Variants in PSEN1 observed in about 807,000 individuals in gnomAD.
The protein encoded by PSEN1 is presenilin-1.
A neutral mutation model predicts 53.5 loss-of-function variants in PSEN1; 15 were observed. The ratio of observed to expected loss-of-function variants is 0.28; its 90% CI spans 0.19 to 0.43. PSEN1 has a LOEUF of 0.43. Among genes scored for constraint, PSEN1 ranks in the 20% least tolerant of loss-of-function variants. The probability of loss-of-function intolerance (pLI) is 1.00; values close to 1 mark genes in which losing one functional copy is unlikely to be tolerated. For missense variants in PSEN1, 387 were observed against 571.2 expected, an observed-to-expected ratio of 0.68 and a Z score of 3.29; for synonymous variants, 208 against 209.8, an observed-to-expected ratio of 0.99 and a Z score of 0.08.
chr14:73,164,139 G>A (rs1036221696), intron 3 of PSEN1, among the ~76,000 whole-genome samples: 1 of 152,156 alleles, frequency 6.6e-6, no homozygotes. Flanking sequence ...ACTAGACAGA[G>A]GTACTAAGGA....
chr14:73,197,635 C>T (rs1899008982), intron 7 of PSEN1: 1 of 200,128 alleles, frequency 5.0e-6, no homozygotes, highest in Admixed American at 5.4e-5. Context: ...AGTTCATATC[C>T]GTGATTAGTT....
intron 11 of PSEN1, 65 bp from the exon 12 acceptor site, chr14:73,219,069 G>T: frequency 6.5e-7 from 1 of 1,540,816 alleles, no homozygotes; most frequent in South Asian, 1.1e-5. Flanking sequence ...ACTTGTGATT[G>T]AGTTTTGCCT....
rs554783173 is a variant in PSEN1, at chr14:73,206,438, G to A, written c.921G>A (p.Arg307=). The change falls in exon 9 of 12, where the codon AGG becomes AGA. Residue 307 remains arginine (R), a synonymous_variant. Coordinates refer to ENST00000324501, the MANE Select transcript of PSEN1 (RefSeq NM_000021.4). The stretch of plus-strand genomic sequence containing the variant: ...CAGAAGGAGACCCGGAAGCTCAAAG[G>A]AGAGTATCCAAAAATTCCAAGTATA... The part of the protein sequence containing the change: ...NMAEGDPEAQ[R]RVSKNSKYNA... 50 of 1,613,906 alleles carry A rather than the reference G, an allele frequency of 3.1e-5. No individual in the cohort carries two copies. Among genetic ancestry groups the A allele is most frequent in the Non-Finnish European group, 4.2e-5 (50 of 1,179,938 alleles).
At chr14:73,197,705 A>T (rs949543642) in intron 7 of PSEN1, 1 of 321,416 alleles carries the variant, frequency 3.1e-6, no homozygotes, top group Non-Finnish European at 5.8e-6. Context: ...AAAATAGTCT[A>T]TCTCATCATT....
At chr14:73,183,344 GA>G (rs1898285786) in intron 5 of PSEN1, among the ~76,000 whole-genome samples, 2 of 151,766 alleles carry the variant, frequency 1.3e-5, no homozygotes, top group Admixed American at 6.6e-5. Context: ...GTTTCTCACA[GA>G]GGGGGATTTG....
chr14:73,137,646 G>A (rs1249623550), intron 1 of PSEN1, among the ~76,000 whole-genome samples: 1 of 152,182 alleles, frequency 6.6e-6, no homozygotes, highest in Non-Finnish European at 1.5e-5. Flanking sequence ...AATGAGTGTG[G>A]TTGGAGAACC....
intron 9 of PSEN1, among the ~76,000 whole-genome samples, chr14:73,207,417 C>T (rs1222889474): frequency 1.3e-5 from 2 of 151,784 alleles, no homozygotes; most frequent in African/African-American, 4.8e-5. Flanking sequence ...ACAACAGGCA[C>T]AGTAAATATT....
intron 5 of PSEN1, among the ~76,000 whole-genome samples, chr14:73,186,646 G>A (rs778115998): frequency 4.6e-5 from 7 of 151,962 alleles, no homozygotes; most frequent in Admixed American, 6.6e-5. Context: ...GCGTGGTGGC[G>A]CGCACGCGTG....
At chr14:73,164,058 T>C (rs1030054673) in intron 3 of PSEN1, among the ~76,000 whole-genome samples, 1 of 152,188 alleles carries the variant, frequency 6.6e-6, no homozygotes, top group Admixed American at 6.5e-5. Flanking sequence ...ACCACAAAGA[T>C]TATGGACATA....
chr14:73,203,271 A>G (rs1220194328), intron 8 of PSEN1, among the ~76,000 whole-genome samples: 2 of 151,928 alleles, frequency 1.3e-5, no homozygotes, highest in African/African-American at 2.4e-5. Context: ...TATTTTTAGT[A>G]GAGAGAGGGT....
rs1474611656 is a variant in PSEN1, at chr14:73,186,935, T to A, written c.548+15T>A. 1 of 1,602,262 alleles carries A rather than the reference T, an allele frequency of 6.2e-7. No homozygotes were observed. Among genetic ancestry groups the A allele is most frequent in the Admixed American group, 1.7e-5 (1 of 59,982 alleles). Reference sequence around the variant, plus strand: ...ATTTACTTGGGGTAAGTTGTGAAATTTTTGGTCTGTCTTTCAGAATTAACT... The same window carrying A: ...ATTTACTTGGGGTAAGTTGTGAAATATTTGGTCTGTCTTTCAGAATTAACT... On this transcript the variant is annotated intron_variant, in intron 6 of 11. Coordinates refer to ENST00000324501, the MANE Select transcript of PSEN1 (RefSeq NM_000021.4).
intron 8 of PSEN1, among the ~76,000 whole-genome samples, chr14:73,202,131 A>G (rs142868766): frequency 0.11 from 16,193 of 151,214 alleles, 996 homozygotes; most frequent in African/African-American, 0.17. Flanking sequence ...TGCAACCTCC[A>G]TCTCCTGGGT....
rs149765364 is a variant in PSEN1, at chr14:73,193,167, G to A, written c.769+303G>A. ...TCTACAGAAAATACAAAAATTAGCC[G>A]GGCATGGTGGTGCACACCTGTAGTT... On this transcript the variant is annotated intron_variant, in intron 7 of 11. Coordinates refer to ENST00000324501, the MANE Select transcript of PSEN1 (RefSeq NM_000021.4). 6.4e-4 allele frequency among the ~76,000 whole-genome samples: 97 copies of A among 151,978 alleles called. No individual in the cohort carries two copies. The East Asian group carries it at 0.012, about 19-fold the overall frequency.
chr14:73,192,439 T>TCAAAAA (rs1026963249), intron 6 of PSEN1, among the ~76,000 whole-genome samples: 1 of 151,598 alleles, frequency 6.6e-6, no homozygotes, highest in Admixed American at 6.6e-5. Context: ...AGACCCTGGC[T>TCAAAAA]CAAAAACAAA....
At chr14:73,152,675 T>C (rs111694806) in intron 3 of PSEN1, among the ~76,000 whole-genome samples, 10 of 152,228 alleles carry the variant, frequency 6.6e-5, no homozygotes, top group African/African-American at 2.4e-4. Context: ...TATGTTCTTA[T>C]TGGTAATTGG....
chr14:73,170,857 T>G lies in PSEN1; in HGVS notation c.148T>G (p.Leu50Val), dbSNP rs1897867823. ...DRRSLGHPEP[L>V]SNGRPQGNSR... ...ACGGAGCCTTGGCCACCCTGAGCCA[T>G]TATCTAATGGACGACCCCAGGGTAA... Residue 50 changes from leucine (L) to valine (V), a missense_variant, in exon 4 of 12, where the codon TTA (leucine) becomes GTA (valine). Physicochemically the swap from Leu to Val is conservative, Grantham distance 32 (BLOSUM62 1). Coordinates refer to ENST00000324501, the MANE Select transcript of PSEN1 (RefSeq NM_000021.4). The G allele has an allele frequency of 6.2e-7, 1 of 1,614,036 alleles. No homozygotes were observed. The highest frequency in any genetic ancestry group is 8.5e-7 in the Non-Finnish European group (1 of 1,180,032).
At chr14:73,217,701 A>T (rs1486001037) in intron 11 of PSEN1, among the ~76,000 whole-genome samples, 4 of 152,088 alleles carry the variant, frequency 2.6e-5, no homozygotes, top group Admixed American at 1.3e-4. Context: ...TTAAGACAGC[A>T]AGCATCTAGT....
chr14:73,191,218 T>A (rs1960034257), intron 6 of PSEN1, among the ~76,000 whole-genome samples: 1 of 152,202 alleles, frequency 6.6e-6, no homozygotes, highest in Non-Finnish European at 1.5e-5. Context: ...TAAAGATAAG[T>A]CCTGTCATCC....
chr14:73,204,589 C>T (rs980833672), intron 8 of PSEN1, among the ~76,000 whole-genome samples: 1 of 151,188 alleles, frequency 6.6e-6, no homozygotes, highest in Non-Finnish European at 1.5e-5. Context: ...ATGTTTACTC[C>T]CTGGCCATTT....
Sources: allele counts gnomAD v4.1 joint callset (sites outside exome capture counted in the v4.1 genomes callset), GRCh38; gene constraint gnomAD v4.1.1; transcripts MANE v1.5; gene names NCBI Gene and HGNC (gene_info 2026-07-23, HGNC 2026-07-21).